Variants in ZMAT4 observed in about 807,000 individuals in gnomAD.
ZMAT4 encodes zinc finger matrin-type protein 4.
In ZMAT4, 17 loss-of-function variants were observed where a neutral mutation model predicts 28.7. That is an observed-to-expected ratio of 0.59 (90% CI 0.41 to 0.89). The LOEUF is 0.89. Among genes scored for constraint, ZMAT4 ranks in the 40% least tolerant of loss-of-function variants. The pLI, the probability that ZMAT4 is intolerant of heterozygous loss-of-function variation, is 0.00. For synonymous variants in ZMAT4, 117 were observed against 109.2 expected, an observed-to-expected ratio of 1.07 and a Z score of -0.44; for missense variants, 240 against 283.8, an observed-to-expected ratio of 0.85 and a Z score of 1.11.
intron 2 of ZMAT4, among the ~76,000 whole-genome samples, chr8:40,806,015 C>A (rs972135141): frequency 8.6e-5 from 13 of 152,038 alleles, no homozygotes; most frequent in Admixed American, 3.9e-4. Context: ...TAACAATAAT[C>A]TCATCTTATT....
chr8:40,822,380 CT>C (rs1245232453), intron 2 of ZMAT4, among the ~76,000 whole-genome samples: 1 of 152,158 alleles, frequency 6.6e-6, no homozygotes, highest in African/African-American at 2.4e-5. Context: ...TCAGGTTGAA[CT>C]GAAAAATGAA....
intron 2 of ZMAT4, among the ~76,000 whole-genome samples, chr8:40,806,127 G>T (rs1219304842): frequency 6.6e-6 from 1 of 152,068 alleles, no homozygotes; most frequent in African/African-American, 2.4e-5. Context: ...AACCAAAACG[G>T]TAAAGGTCTA....
chr8:40,721,372 C>T (rs2150517326), intron 3 of ZMAT4, among the ~76,000 whole-genome samples: 1 of 128,790 alleles, frequency 7.8e-6, no homozygotes, highest in East Asian at 2.3e-4. Flanking sequence ...TTAATCCAGT[C>T]TATCATTGTT....
chr8:40,624,823 C>T (rs530768162), intron 5 of ZMAT4, among the ~76,000 whole-genome samples: 2 of 152,292 alleles, frequency 1.3e-5, no homozygotes, highest in Non-Finnish European at 1.5e-5. Context: ...CTGCACTTCC[C>T]ACAGCCAGGC....
intron 2 of ZMAT4, among the ~76,000 whole-genome samples, chr8:40,811,181 C>T (rs960248861): frequency 6.6e-6 from 1 of 152,048 alleles, no homozygotes; most frequent in East Asian, 1.9e-4. Context: ...CCCCCAAATG[C>T]TGAAGGAGCC....
chr8:40,613,728 G>C (rs1585759628), intron 5 of ZMAT4, among the ~76,000 whole-genome samples: 1 of 152,128 alleles, frequency 6.6e-6, no homozygotes, highest in African/African-American at 2.4e-5. Flanking sequence ...TGCCCTGAAA[G>C]TGCCAGGCCA....
intron 1 of ZMAT4, among the ~76,000 whole-genome samples, chr8:40,839,716 A>G (rs1816631497): frequency 1.3e-5 from 2 of 152,238 alleles, no homozygotes; most frequent in South Asian, 4.1e-4. Flanking sequence ...ACAGAAAGTC[A>G]AAAGCCAGGC....
At chr8:40,658,591 A>G (rs1808034667) in intron 5 of ZMAT4, among the ~76,000 whole-genome samples, 1 of 149,356 alleles carries the variant, frequency 6.7e-6, no homozygotes. Context: ...TTAGTTATCA[A>G]GGACAGGTTT....
intron 6 of ZMAT4, among the ~76,000 whole-genome samples, chr8:40,544,249 C>T (rs1463480029): frequency 2.6e-5 from 4 of 152,166 alleles, no homozygotes; most frequent in Non-Finnish European, 5.9e-5. Flanking sequence ...AATTGTTAAA[C>T]ATGAAGGAAC....
At chr8:40,770,986 T>G (rs933225826) in intron 2 of ZMAT4, among the ~76,000 whole-genome samples, 4 of 152,078 alleles carry the variant, frequency 2.6e-5, no homozygotes, top group African/African-American at 9.7e-5. Flanking sequence ...ACAAAAACTT[T>G]CCTACAACAA....
intron 3 of ZMAT4, among the ~76,000 whole-genome samples, chr8:40,759,745 A>C (rs1812849871): frequency 6.6e-6 from 1 of 152,132 alleles, no homozygotes; most frequent in South Asian, 2.1e-4. Context: ...TCCTGGAAAA[A>C]CATGAGCTCC....
intron 3 of ZMAT4, among the ~76,000 whole-genome samples, chr8:40,754,274 G>T (rs1441411758): frequency 6.6e-6 from 1 of 152,148 alleles, no homozygotes; most frequent in Non-Finnish European, 1.5e-5. Flanking sequence ...AGTACAGGAG[G>T]GGGCTACCAG....
chr8:40,774,573 G>A (rs1813510517), intron 2 of ZMAT4, among the ~76,000 whole-genome samples: 2 of 151,600 alleles, frequency 1.3e-5, no homozygotes, highest in South Asian at 2.1e-4. Flanking sequence ...GTAAACATGG[G>A]AAAATAAGTT....
chr8:40,671,099 G>A (rs1808648642), intron 5 of ZMAT4, among the ~76,000 whole-genome samples: 1 of 151,076 alleles, frequency 6.6e-6, no homozygotes, highest in Non-Finnish European at 1.5e-5. Flanking sequence ...GACATCATTA[G>A]TCAATATGGA....
chr8:40,878,019 C>A (rs1406530702), intron 1 of ZMAT4, among the ~76,000 whole-genome samples: 1 of 152,200 alleles, frequency 6.6e-6, no homozygotes, highest in Admixed American at 6.5e-5. Flanking sequence ...TTAGGGAGCT[C>A]ATTCTGGCAC....
rs574082840 is a variant in ZMAT4 at position 40,805,731 on chromosome 8, T to C, written c.102+19844A>G. Among the ~76,000 whole-genome samples the C allele has an allele frequency of 8.5e-5, 12 of 141,340 alleles. No individual in the cohort carries two copies. In the South Asian group the frequency reaches 1.6e-3, roughly 19 times the overall value. 92.7% of individuals were successfully genotyped at this position (141,340 alleles called of 152,430 possible). A position where few individuals can be genotyped will look rare whatever the true frequency, so the allele number is the denominator to read the frequency against. ...GCATATTCTCACTCATAGGTGGGAA[T>C]TGAACAATGAGAACACATGGACACA... On this transcript the variant is annotated intron_variant, in intron 2 of 6. Coordinates refer to ENST00000297737, the MANE Select transcript of ZMAT4 (RefSeq NM_024645.3).
intron 5 of ZMAT4, among the ~76,000 whole-genome samples, chr8:40,603,807 T>C (rs963042824): frequency 6.6e-6 from 1 of 152,068 alleles, no homozygotes; most frequent in Non-Finnish European, 1.5e-5. Flanking sequence ...TTTTTTTGTA[T>C]TTTTAGTAGA....
chr8:40,599,758 C>A (rs189566108), intron 5 of ZMAT4, among the ~76,000 whole-genome samples: 1 of 152,176 alleles, frequency 6.6e-6, no homozygotes, highest in Non-Finnish European at 1.5e-5. Flanking sequence ...GGGAGACACA[C>A]GAGGGAGGGG....
intron 5 of ZMAT4, among the ~76,000 whole-genome samples, chr8:40,589,757 TTTC>T (rs1282684599): frequency 6.7e-6 from 1 of 148,358 alleles, no homozygotes. Flanking sequence ...TCTTTCTTTC[TTTC>T]TTTTTCTTTC....
Sources: gnomAD v4.1 joint callset for allele counts (sites outside exome capture counted in the v4.1 genomes callset) on GRCh38, gnomAD v4.1.1 for gene constraint, MANE v1.5 for transcripts, NCBI Gene and HGNC (gene_info 2026-07-23, HGNC 2026-07-21) for gene names.